The following TAS2R1 variants were observed in gnomAD, a reference collection of about 807,000 sequenced individuals.
The protein encoded by TAS2R1 is taste receptor type 2 member 1.
For missense variants in TAS2R1, 370 were observed against 353.4 expected (o/e 1.05, Z -0.38); for synonymous variants, 141 against 134.2 (o/e 1.05, Z -0.35).
chr5:9,665,434 T>C (rs1740612911), intron 1 of TAS2R1, among the ~76,000 whole-genome samples: 1 of 152,240 alleles, frequency 6.6e-6, no homozygotes. Flanking sequence ...TTCCCAGTGA[T>C]TGGGGTGTGG....
At chr5:9,743,724 C>G in the TAS2R1 span, among the ~76,000 whole-genome samples, 1 of 152,138 alleles carries the variant, frequency 6.6e-6, no homozygotes, top group Non-Finnish European at 1.5e-5. Context: ...GCATTTGCTT[C>G]CAGCAGATCT....
chr5:9,703,159 C>T (rs1374407324), intron 1 of TAS2R1, among the ~76,000 whole-genome samples: 1 of 152,140 alleles, frequency 6.6e-6, no homozygotes, highest in Non-Finnish European at 1.5e-5. Flanking sequence ...GCAAATCCCT[C>T]TGCCAACAGC....
the TAS2R1 span, among the ~76,000 whole-genome samples, chr5:9,748,206 G>C: frequency 6.6e-6 from 1 of 152,038 alleles, no homozygotes; most frequent in East Asian, 1.9e-4. Context: ...TTTTCATGTG[G>C]TACCATCTCT....
chr5:9,773,811 G>T, the TAS2R1 span, among the ~76,000 whole-genome samples: 2 of 152,112 alleles, frequency 1.3e-5, no homozygotes, highest in African/African-American at 4.8e-5. Flanking sequence ...TGTATTAAAT[G>T]TTATTTATTT....
rs1323745025 is a variant in TAS2R1, at chr5:9,628,848, A to G, written c.*285T>C. ...AAGGAATACAGAAAGACCCTGAACC[A>G]TTTACTCAGTTTTCCCAATGGTAAC... On this transcript the variant is annotated 3_prime_UTR_variant, in exon 1 of 1. Transcript: ENST00000382492. 1 of 293,680 alleles carries G rather than the reference A, an allele frequency of 3.4e-6. No individual in the cohort carries two copies. The highest frequency in any genetic ancestry group is 1.4e-4 in the South Asian group (1 of 7,104). 18.2% of individuals were successfully genotyped at this position (293,680 alleles called of 1,614,324 possible). A position where few individuals can be genotyped will look rare whatever the true frequency, so the allele number is the denominator to read the frequency against.
the TAS2R1 span, among the ~76,000 whole-genome samples, chr5:9,881,300 A>G: frequency 3.9e-5 from 6 of 152,168 alleles, no homozygotes; most frequent in Admixed American, 6.5e-5. Flanking sequence ...AATACAGCTA[A>G]CAAGGGAAGC....
At chr5:9,844,721 T>C in the TAS2R1 span, among the ~76,000 whole-genome samples, 2 of 152,146 alleles carry the variant, frequency 1.3e-5, no homozygotes, top group African/African-American at 4.8e-5. Flanking sequence ...TTGGAAGCTT[T>C]CAGCATTTTT....
the TAS2R1 span, among the ~76,000 whole-genome samples, chr5:9,729,121 A>G: frequency 6.6e-6 from 1 of 152,242 alleles, no homozygotes; most frequent in Non-Finnish European, 1.5e-5. Flanking sequence ...CTCAGAGGTT[A>G]GCTGGGTTGG....
intron 1 of TAS2R1, among the ~76,000 whole-genome samples, chr5:9,704,548 C>G (rs922318114): frequency 1.3e-5 from 2 of 152,016 alleles, no homozygotes; most frequent in Non-Finnish European, 2.9e-5. Context: ...CCTAAAATTG[C>G]AGATTTTTTA....
intron 2 of TAS2R1, among the ~76,000 whole-genome samples, chr5:9,639,235 T>G (rs182586): frequency 0.62 from 94,547 of 151,978 alleles, 33,169 homozygotes; most frequent in Non-Finnish European, 0.79. Context: ...AGGGACCCTG[T>G]GAGATATACT....
chr5:9,805,894 C>T, the TAS2R1 span, among the ~76,000 whole-genome samples: 1 of 151,958 alleles, frequency 6.6e-6, no homozygotes, highest in South Asian at 2.1e-4. Context: ...AAGTCCTAGC[C>T]AGAGCAATTA....
chr5:9,776,930 G>A, the TAS2R1 span, among the ~76,000 whole-genome samples: 1 of 152,180 alleles, frequency 6.6e-6, no homozygotes, highest in African/African-American at 2.4e-5. Context: ...GCACTATAAT[G>A]TAGTCTATTA....
the TAS2R1 span, among the ~76,000 whole-genome samples, chr5:9,869,239 A>G: frequency 6.6e-6 from 1 of 152,198 alleles, no homozygotes; most frequent in East Asian, 1.9e-4. Context: ...TCATGCTGCT[A>G]ATAAAGACAT....
At chr5:9,728,506 G>T in the TAS2R1 span, among the ~76,000 whole-genome samples, 1 of 152,166 alleles carries the variant, frequency 6.6e-6, no homozygotes, top group Non-Finnish European at 1.5e-5. Context: ...TAGGAGAAAG[G>T]GTCAGGACTC....
the TAS2R1 span, among the ~76,000 whole-genome samples, chr5:9,819,609 G>A: frequency 2.0e-5 from 3 of 152,154 alleles, no homozygotes; most frequent in African/African-American, 7.2e-5. Context: ...AGTTTTATTA[G>A]GTAAGAAATG....
chr5:9,718,267 C>A, the TAS2R1 span, among the ~76,000 whole-genome samples: 12 of 151,944 alleles, frequency 7.9e-5, no homozygotes, highest in Admixed American at 2.6e-4. Context: ...CTGCGCCCAG[C>A]CACCATAAGT....
At chr5:9,880,083 T>C in the TAS2R1 span, among the ~76,000 whole-genome samples, 1 of 152,096 alleles carries the variant, frequency 6.6e-6, no homozygotes, top group Admixed American at 6.5e-5. Context: ...CAAACCCCAT[T>C]GAAGGAATTT....
chr5:9,828,174 G>A, the TAS2R1 span, among the ~76,000 whole-genome samples: 47 of 151,776 alleles, frequency 3.1e-4, no homozygotes, highest in African/African-American at 1.1e-3. Context: ...CACCTAGGCT[G>A]GAGTGCCATG....
At chr5:9,866,965 C>T in the TAS2R1 span, among the ~76,000 whole-genome samples, 3 of 152,144 alleles carry the variant, frequency 2.0e-5, no homozygotes, top group African/African-American at 4.8e-5. Flanking sequence ...CTTCCTGAAT[C>T]CAAAACCACG....
Sources: allele counts gnomAD v4.1 joint callset (sites outside exome capture counted in the v4.1 genomes callset), GRCh38; gene constraint gnomAD v4.1.1; transcripts MANE v1.5; gene names NCBI Gene and HGNC (gene_info 2026-07-23, HGNC 2026-07-21).